Variants in ANKS1B observed in about 807,000 individuals in gnomAD.
The protein encoded by ANKS1B is ankyrin repeat and sterile alpha motif domain-containing protein 1B.
In ANKS1B, 36 loss-of-function variants were observed where a neutral mutation model predicts 148.3. The ratio of observed to expected loss-of-function variants is 0.24; its 90% CI spans 0.19 to 0.32. The LOEUF (loss-of-function observed/expected upper bound fraction) is 0.32, where lower values mean the gene tolerates loss of function less well. Among genes scored for constraint, ANKS1B ranks in the 10% least tolerant of loss-of-function variants. The probability of loss-of-function intolerance (pLI) is 1.00; values close to 1 mark genes in which losing one functional copy is unlikely to be tolerated. For missense variants in ANKS1B, 1,157 were observed against 1,542.6 expected (o/e 0.75, Z 4.19); for synonymous variants, 542 against 560.8 (o/e 0.97, Z 0.47).
chr12:99,369,785 GATA>G lies in ANKS1B; in HGVS notation c.1756+29843_1756+29845del, dbSNP rs765359603. On this transcript the variant is annotated intron_variant, in intron 12 of 26. Coordinates refer to ENST00000683438, the MANE Select transcript of ANKS1B (RefSeq NM_001352186.2). ...AGATAGATAGATAGATAGATAGATAGATAGATGGACGGACGGACAGACGGACGG... is the reference window on the plus strand; with the variant it reads ...AGATAGATAGATAGATAGATAGATAGGATGGACGGACGGACAGACGGACGG... Among the ~76,000 whole-genome samples the G allele has an allele frequency of 3.1e-3, 450 of 146,146 alleles. 1 individual carries two copies. Among genetic ancestry groups the G allele is most frequent in the African/African-American group, 6.6e-3 (251 of 38,244 alleles).
chr12:99,042,740 CTAG>C (rs1343681296), intron 17 of ANKS1B, among the ~76,000 whole-genome samples: 7 of 152,136 alleles, frequency 4.6e-5, no homozygotes, highest in Non-Finnish European at 7.3e-5. Context: ...ACAACAATAT[CTAG>C]CAGACAGATA....
At chr12:99,478,154 C>G (rs905018231) in intron 10 of ANKS1B, among the ~76,000 whole-genome samples, 23 of 152,218 alleles carry the variant, frequency 1.5e-4, no homozygotes, top group African/African-American at 5.5e-4. Flanking sequence ...AAGGTTTACA[C>G]TCAGAGGCAA....
chr12:99,370,740 A>G (rs975431141), intron 12 of ANKS1B, among the ~76,000 whole-genome samples: 1 of 152,190 alleles, frequency 6.6e-6, no homozygotes, highest in Non-Finnish European at 1.5e-5. Flanking sequence ...TGTAGCTAAG[A>G]TATCATGGTC....
At chr12:99,870,975 G>A (rs1272508705) in intron 1 of ANKS1B, among the ~76,000 whole-genome samples, 1 of 151,994 alleles carries the variant, frequency 6.6e-6, no homozygotes, top group African/African-American at 2.4e-5. Flanking sequence ...TTGCTTTTGA[G>A]ACTTAGTCAT....
At chr12:99,629,515 A>G (rs2098138618) in intron 9 of ANKS1B, among the ~76,000 whole-genome samples, 1 of 152,134 alleles carries the variant, frequency 6.6e-6, no homozygotes, top group Non-Finnish European at 1.5e-5. Context: ...TAAACACTTA[A>G]TATAAATAGT....
chr12:99,942,189 C>CA (rs2153816738), intron 1 of ANKS1B, among the ~76,000 whole-genome samples: 1 of 152,052 alleles, frequency 6.6e-6, no homozygotes, highest in East Asian at 1.9e-4. Flanking sequence ...CAAACCAAGC[C>CA]AAACCAGGAA....
At chr12:99,822,487 T>G (rs1023288499) in intron 2 of ANKS1B, among the ~76,000 whole-genome samples, 4 of 152,158 alleles carry the variant, frequency 2.6e-5, no homozygotes, top group African/African-American at 9.7e-5. Flanking sequence ...ATTGCCATCT[T>G]TATGTCCACA....
In ANKS1B at chr12:98,804,018, T is replaced by C. The variant is rs148026979; in HGVS notation, c.3142-2893A>G. Reference sequence around the variant, plus strand: ...TTATTTGATAACCACTGGAAGAAATTAGTGGAACATCCACTTAAATCTGTT... The same window carrying C: ...TTATTTGATAACCACTGGAAGAAATCAGTGGAACATCCACTTAAATCTGTT... On this transcript the variant is annotated intron_variant, in intron 20 of 26. Transcript: ENST00000683438. Among the ~76,000 whole-genome samples the C allele has an allele frequency of 2.0e-3, 302 of 152,292 alleles. 2 individuals are homozygous for C. Among genetic ancestry groups the C allele is most frequent in the African/African-American group, 6.9e-3 (288 of 41,570 alleles).
At chr12:99,063,526 A>G (rs921837412) in intron 16 of ANKS1B, among the ~76,000 whole-genome samples, 4 of 152,210 alleles carry the variant, frequency 2.6e-5, no homozygotes, top group African/African-American at 9.6e-5. Context: ...TGATCTTCTG[A>G]CCACGAGGCC....
intron 14 of ANKS1B, among the ~76,000 whole-genome samples, chr12:99,161,138 C>A (rs747837858): frequency 6.6e-6 from 1 of 152,136 alleles, no homozygotes; most frequent in Non-Finnish European, 1.5e-5. Flanking sequence ...CCATTTTAAC[C>A]ATATTGATTC....
chr12:99,121,543 G>C (rs902387964), intron 15 of ANKS1B, among the ~76,000 whole-genome samples: 2 of 152,120 alleles, frequency 1.3e-5, no homozygotes, highest in African/African-American at 4.8e-5. Context: ...GAAAAAAGAG[G>C]AAGGCAAGAT....
At chr12:99,546,379 C>T (rs1049134929) in intron 9 of ANKS1B, among the ~76,000 whole-genome samples, 6 of 152,074 alleles carry the variant, frequency 3.9e-5, no homozygotes, top group African/African-American at 1.4e-4. Flanking sequence ...AAAAATTATG[C>T]CACATCATAT....
At chr12:99,421,570 T>C (rs1489071096) in intron 11 of ANKS1B, among the ~76,000 whole-genome samples, 1 of 151,888 alleles carries the variant, frequency 6.6e-6, no homozygotes, top group Non-Finnish European at 1.5e-5. Flanking sequence ...TTAATCACAA[T>C]AAGCCTTTTT....
intron 17 of ANKS1B, among the ~76,000 whole-genome samples, chr12:99,005,846 A>G (rs1392428746): frequency 6.6e-6 from 1 of 152,150 alleles, no homozygotes; most frequent in African/African-American, 2.4e-5. Context: ...GATGAACTCA[A>G]TTTGCTGATG....
chr12:99,244,944 G>A (rs936006230), intron 13 of ANKS1B, among the ~76,000 whole-genome samples: 3 of 152,088 alleles, frequency 2.0e-5, no homozygotes, highest in Non-Finnish European at 4.4e-5. Context: ...AACCTCCGCC[G>A]CCCAGGTCCA....
At chr12:99,317,878 T>C in intron 12 of ANKS1B, among the ~76,000 whole-genome samples, 1 of 152,058 alleles carries the variant, frequency 6.6e-6, no homozygotes, top group Non-Finnish European at 1.5e-5. Context: ...GCATGAAGCG[T>C]TGTTGAATTT....
intron 4 of ANKS1B, among the ~76,000 whole-genome samples, chr12:99,799,482 G>A (rs2066671478): frequency 6.6e-6 from 1 of 152,054 alleles, no homozygotes; most frequent in Non-Finnish European, 1.5e-5. Flanking sequence ...TGTTGTTTAT[G>A]TGCTTATTTT....
intron 22 of ANKS1B, among the ~76,000 whole-genome samples, chr12:98,784,600 T>C (rs1482464510): frequency 6.6e-6 from 1 of 152,048 alleles, no homozygotes; most frequent in African/African-American, 2.4e-5. Context: ...TGGCAGCAGC[T>C]GGAGAGGAGA....
chr12:99,163,562 A>G (rs988159781), intron 14 of ANKS1B, among the ~76,000 whole-genome samples: 10 of 152,016 alleles, frequency 6.6e-5, no homozygotes, highest in South Asian at 2.1e-4. Flanking sequence ...CACAGTCGAG[A>G]CACCGACAGC....
Sources: allele counts gnomAD v4.1 joint callset (sites outside exome capture counted in the v4.1 genomes callset), GRCh38; gene constraint gnomAD v4.1.1; transcripts MANE v1.5; gene names NCBI Gene and HGNC (gene_info 2026-07-23, HGNC 2026-07-21).